The following PRKG1 variants were observed in gnomAD, a reference collection of about 807,000 sequenced individuals.
PRKG1 encodes cGMP-dependent protein kinase 1.
Under a neutral mutation model 88.1 loss-of-function variants are expected in PRKG1, and 35 were observed. The ratio of observed to expected loss-of-function variants is 0.40; its 90% CI spans 0.30 to 0.53. PRKG1 has a LOEUF of 0.53. Among genes scored for constraint, PRKG1 ranks in the 20% least tolerant of loss-of-function variants. The probability of loss-of-function intolerance (pLI) is 0.59; values close to 1 mark genes in which losing one functional copy is unlikely to be tolerated. For missense variants in PRKG1, 540 were observed against 839.8 expected, an observed-to-expected ratio of 0.64 and a Z score of 4.41; for synonymous variants, 303 against 292.5, an observed-to-expected ratio of 1.04 and a Z score of -0.37.
At chr10:51,916,680 A>G (rs1228475147) in intron 5 of PRKG1, among the ~76,000 whole-genome samples, 1 of 152,204 alleles carries the variant, frequency 6.6e-6, no homozygotes, top group African/African-American at 2.4e-5. Context: ...TGCATACCCA[A>G]GAGAATTGGA....
At chr10:51,008,521 A>G (rs1039969073) in intron 1 of PRKG1, among the ~76,000 whole-genome samples, 5 of 152,138 alleles carry the variant, frequency 3.3e-5, no homozygotes, top group Admixed American at 3.3e-4. Context: ...AACCTTAACC[A>G]TTCCATGACT....
chr10:51,905,450 G>A (rs1842066166), intron 4 of PRKG1, among the ~76,000 whole-genome samples: 1 of 152,122 alleles, frequency 6.6e-6, no homozygotes, highest in Admixed American at 6.6e-5. Flanking sequence ...AAATTATGCT[G>A]TAAGTCAAAC....
chr10:52,099,542 ATGTAATCC>A (rs1422878801), intron 7 of PRKG1, among the ~76,000 whole-genome samples: 1 of 152,186 alleles, frequency 6.6e-6, no homozygotes, highest in Non-Finnish European at 1.5e-5. Flanking sequence ...TTTAAAATAC[ATGTAATCC>A]TGGGAGGGGT....
chr10:51,697,761 C>A, intron 3 of PRKG1: 1 of 1,614,132 alleles, frequency 6.2e-7, no homozygotes, highest in Non-Finnish European at 8.5e-7. Context: ...TGCCTTTGCT[C>A]AGGGGGCAGC....
intron 10 of PRKG1, chr10:52,251,917 G>T: frequency 3.0e-6 from 1 of 330,538 alleles, no homozygotes; most frequent in Non-Finnish European, 5.5e-6. Flanking sequence ...TAAGTGTAAG[G>T]TAAACACATT....
At chr10:52,180,115 T>C (rs1838976398) in intron 9 of PRKG1, among the ~76,000 whole-genome samples, 1 of 152,214 alleles carries the variant, frequency 6.6e-6, no homozygotes, top group Non-Finnish European at 1.5e-5. Context: ...TATTTTATCT[T>C]TTTTTCCTCT....
chr10:52,104,995 T>G (rs981742833), intron 7 of PRKG1, among the ~76,000 whole-genome samples: 11 of 152,238 alleles, frequency 7.2e-5, no homozygotes, highest in Non-Finnish European at 1.5e-4. Context: ...TGATCTGTAT[T>G]AATTGTAGTT....
At position 52,031,061 on chromosome 10, in the gene PRKG1, T is replaced by TA. The variant is rs77071208; in HGVS notation, c.763-23412dup. ...AGATCCATTATTTATTCTCAAACTTTAAAAAAAAAAATGCTGCTCATTATC... is the reference window on the plus strand; with the variant it reads ...AGATCCATTATTTATTCTCAAACTTTAAAAAAAAAAAATGCTGCTCATTATC... On this transcript the variant is annotated intron_variant, in intron 5 of 17. Transcript: ENST00000373980. 1.3e-3 allele frequency among the ~76,000 whole-genome samples: 197 copies of TA among 147,608 alleles called. 1 individual carries two copies. The highest frequency in any genetic ancestry group is 3.9e-3 in the African/African-American group (159 of 40,502).
chr10:51,859,077 G>C (rs966707371), intron 4 of PRKG1, among the ~76,000 whole-genome samples: 7 of 152,156 alleles, frequency 4.6e-5, no homozygotes, highest in African/African-American at 1.7e-4. Context: ...CCAGAGGAAA[G>C]GAATATTTCT....
intron 3 of PRKG1, among the ~76,000 whole-genome samples, chr10:51,735,296 C>T (rs908451033): frequency 1.3e-5 from 2 of 152,068 alleles, no homozygotes; most frequent in African/African-American, 4.8e-5. Flanking sequence ...TGGTTTAGAA[C>T]TGAAATCAGG....
intron 7 of PRKG1, among the ~76,000 whole-genome samples, chr10:52,078,546 T>C (rs1388395561): frequency 6.6e-6 from 1 of 152,214 alleles, no homozygotes; most frequent in Non-Finnish European, 1.5e-5. Context: ...CATGTCCCTG[T>C]ATGCACCTGA....
chr10:51,424,921 A>G (rs1392326725), intron 2 of PRKG1, among the ~76,000 whole-genome samples: 2 of 152,148 alleles, frequency 1.3e-5, no homozygotes, highest in African/African-American at 4.8e-5. Flanking sequence ...ATGCGGATAT[A>G]CATTTTTAAA....
chr10:51,820,065 T>C (rs969989124), intron 4 of PRKG1, among the ~76,000 whole-genome samples: 2 of 152,128 alleles, frequency 1.3e-5, no homozygotes, highest in Non-Finnish European at 2.9e-5. Flanking sequence ...ATAAAACTTA[T>C]AGAAACCGAA....
intron 5 of PRKG1, among the ~76,000 whole-genome samples, chr10:52,026,126 T>G (rs1365786494): frequency 2.0e-5 from 3 of 152,028 alleles, no homozygotes; most frequent in Admixed American, 6.5e-5. Flanking sequence ...TACAGAAAGC[T>G]AAAAGAGGGT....
intron 2 of PRKG1, among the ~76,000 whole-genome samples, chr10:51,279,250 T>G (rs1391665420): frequency 6.6e-6 from 1 of 152,224 alleles, no homozygotes; most frequent in African/African-American, 2.4e-5. Context: ...TCAGTTTCCA[T>G]GTAGTTGAGA....
At chr10:51,031,794 T>C (rs1843287292) in intron 1 of PRKG1, among the ~76,000 whole-genome samples, 1 of 152,126 alleles carries the variant, frequency 6.6e-6, no homozygotes. Context: ...TTATAACATA[T>C]CACAGTTTAT....
chr10:51,404,507 ATG>A (rs1057506959), intron 2 of PRKG1, among the ~76,000 whole-genome samples: 3 of 152,244 alleles, frequency 2.0e-5, no homozygotes, highest in Non-Finnish European at 4.4e-5. Context: ...TAAGTGTAAT[ATG>A]ATGGACAAAG....
chr10:51,254,319 G>A (rs1160313685), intron 2 of PRKG1, among the ~76,000 whole-genome samples: 1 of 151,878 alleles, frequency 6.6e-6, no homozygotes, highest in Non-Finnish European at 1.5e-5. Flanking sequence ...GTTATCCAAT[G>A]TATACATTTT....
intron 2 of PRKG1, among the ~76,000 whole-genome samples, chr10:51,377,411 A>T (rs541948846): frequency 6.6e-6 from 1 of 152,356 alleles, no homozygotes; most frequent in South Asian, 2.1e-4. Context: ...TTATGTGTTC[A>T]TAAGTTATTT....
Sources: gnomAD v4.1 joint callset for allele counts (sites outside exome capture counted in the v4.1 genomes callset) on GRCh38, gnomAD v4.1.1 for gene constraint, MANE v1.5 for transcripts, NCBI Gene and HGNC (gene_info 2026-07-23, HGNC 2026-07-21) for gene names.